Variants in DPP6 observed in about 807,000 individuals in gnomAD.
DPP6 encodes A-type potassium channel modulatory protein DPP6.
DPP6 carries 69 observed loss-of-function variants against 122.6 expected under a neutral mutation model. That is an observed-to-expected ratio of 0.56 (90% confidence interval 0.46 to 0.69). The LOEUF (loss-of-function observed/expected upper bound fraction) is 0.69. DPP6 is among the 30% of genes least tolerant of loss of function. The probability of loss-of-function intolerance (pLI) is 0.00; values close to 1 mark genes in which losing one functional copy is unlikely to be tolerated. For missense variants in DPP6, 928 were observed against 1,116.9 expected (o/e 0.83, Z 2.41); for synonymous variants, 418 against 433.1 (o/e 0.97, Z 0.43).
intron 1 of DPP6, among the ~76,000 whole-genome samples, chr7:154,166,462 G>A (rs1414875142): frequency 3.9e-5 from 6 of 151,996 alleles, no homozygotes; most frequent in Admixed American, 6.6e-5. Flanking sequence ...CGACAAAGAC[G>A]GGCACCTGGC....
chr7:154,280,144 A>T (rs551352084), intron 1 of DPP6, among the ~76,000 whole-genome samples: 1 of 152,344 alleles, frequency 6.6e-6, no homozygotes, highest in South Asian at 2.1e-4. Flanking sequence ...AGTGTAACTA[A>T]CAGGACTGTC....
chr7:154,549,266 TAGG>T, intron 4 of DPP6, among the ~76,000 whole-genome samples: 1 of 152,330 alleles, frequency 6.6e-6, no homozygotes, highest in Admixed American at 6.5e-5. Context: ...TAAGAAAGTT[TAGG>T]AGAAGTGAAG....
intron 7 of DPP6, among the ~76,000 whole-genome samples, chr7:154,685,940 A>G (rs1839572294): frequency 6.6e-6 from 1 of 152,162 alleles, no homozygotes; most frequent in African/African-American, 2.4e-5. Context: ...TCAAACCTAT[A>G]AACAATAAAC....
the DPP6 span, among the ~76,000 whole-genome samples, chr7:153,848,265 C>A: frequency 6.7e-6 from 1 of 149,612 alleles, no homozygotes; most frequent in Non-Finnish European, 1.5e-5. Flanking sequence ...CAACCCCTAC[C>A]CCCACCCCAG....
intron 3 of DPP6, among the ~76,000 whole-genome samples, chr7:154,537,705 AAAGGAAGGAAAG>A (rs146278812): frequency 0.032 from 4,803 of 151,678 alleles, 257 homozygotes; most frequent in African/African-American, 0.11. Flanking sequence ...ATAAAAAAAG[AAAGGAAGGAAAG>A]AAGGAAGGAA....
At chr7:153,832,805 A>T in the DPP6 span, among the ~76,000 whole-genome samples, 15 of 152,212 alleles carry the variant, frequency 9.9e-5, no homozygotes, top group Non-Finnish European at 1.9e-4. Context: ...ACTTTCAAGC[A>T]TAAGTGACTT....
At chr7:153,814,571 C>A in the DPP6 span, among the ~76,000 whole-genome samples, 10 of 152,184 alleles carry the variant, frequency 6.6e-5, no homozygotes, top group Non-Finnish European at 1.5e-4. Context: ...CTATTCCAAT[C>A]AATAGAAAAA....
intron 1 of DPP6, among the ~76,000 whole-genome samples, chr7:154,064,497 C>T (rs1192625722): frequency 1.3e-5 from 2 of 152,162 alleles, no homozygotes; most frequent in Non-Finnish European, 2.9e-5. Flanking sequence ...AAAAAAAAGG[C>T]TCAAATTGTA....
intron 16 of DPP6, among the ~76,000 whole-genome samples, chr7:154,815,794 T>C (rs1166802381): frequency 6.6e-6 from 1 of 152,182 alleles, no homozygotes; most frequent in Non-Finnish European, 1.5e-5. Context: ...CTTTCAGTGT[T>C]GAGCCATGAT....
chr7:154,701,435 T>C (rs991311951), intron 7 of DPP6, among the ~76,000 whole-genome samples: 26 of 152,250 alleles, frequency 1.7e-4, no homozygotes, highest in African/African-American at 6.3e-4. Context: ...TCCACGTGTT[T>C]TGATTTTGAA....
rs571371359 is a variant in DPP6 at position 154,722,903 on chromosome 7, G to A, written c.763-4864G>A. 1.5e-4 allele frequency among the ~76,000 whole-genome samples: 23 copies of A among 152,178 alleles called. No individual in the cohort carries two copies. The Middle Eastern group carries it at 0.01, about 68-fold the overall frequency. ...TCTCAGCCTCTTGGGGGTTAGCATC[G>A]CAAAACCACAGGCAGAACTTGATGC... is the stretch of plus-strand genomic sequence containing the variant. On this transcript the variant is annotated intron_variant, in intron 7 of 25. Transcript: ENST00000377770.
intron 17 of DPP6, chr7:154,858,335 G>A (rs1405401232): frequency 6.6e-6 from 1 of 152,264 alleles, no homozygotes; most frequent in East Asian, 1.9e-4. Context: ...AAAAGCAGAG[G>A]AGTTGCATCT....
chr7:154,213,497 T>C (rs1799846235), intron 1 of DPP6, among the ~76,000 whole-genome samples: 1 of 152,132 alleles, frequency 6.6e-6, no homozygotes, highest in Admixed American at 6.5e-5. Flanking sequence ...GAGTTCCCAA[T>C]GTAATGTGGA....
the DPP6 span, among the ~76,000 whole-genome samples, chr7:153,880,855 C>T: frequency 6.6e-6 from 1 of 152,140 alleles, no homozygotes; most frequent in Admixed American, 6.5e-5. Flanking sequence ...TTAAATTGAG[C>T]AAGTGCGAGA....
chr7:153,998,808 A>C (rs1212528963), intron 1 of DPP6, among the ~76,000 whole-genome samples: 1 of 152,232 alleles, frequency 6.6e-6, no homozygotes, highest in Non-Finnish European at 1.5e-5. Flanking sequence ...TGAGTCTATG[A>C]AGAATGTACC....
intron 8 of DPP6, among the ~76,000 whole-genome samples, chr7:154,750,926 T>G (rs1356008333): frequency 6.6e-6 from 1 of 152,120 alleles, no homozygotes; most frequent in African/African-American, 2.4e-5. Flanking sequence ...GATGGGGCTC[T>G]GGGTGGTGAC....
At chr7:154,845,803 T>A (rs1801896918) in intron 16 of DPP6, among the ~76,000 whole-genome samples, 1 of 152,280 alleles carries the variant, frequency 6.6e-6, no homozygotes, top group African/African-American at 2.4e-5. Context: ...AGACAATATT[T>A]ACTAAAATGT....
chr7:154,027,361 A>G (rs1230861036), intron 1 of DPP6, among the ~76,000 whole-genome samples: 2 of 152,248 alleles, frequency 1.3e-5, no homozygotes, highest in Non-Finnish European at 2.9e-5. Flanking sequence ...TATAGCCATC[A>G]CTTTCTAATA....
At chr7:154,748,031 G>A (rs1362792359) in intron 8 of DPP6, among the ~76,000 whole-genome samples, 1 of 152,184 alleles carries the variant, frequency 6.6e-6, no homozygotes, top group East Asian at 1.9e-4. Flanking sequence ...AATAACATCA[G>A]TTTGGTTTGC....
Sources: allele counts gnomAD v4.1 joint callset (sites outside exome capture counted in the v4.1 genomes callset), GRCh38; gene constraint gnomAD v4.1.1; transcripts MANE v1.5; gene names NCBI Gene and HGNC (gene_info 2026-07-23, HGNC 2026-07-21).